The following FHIT variants were observed in gnomAD, a reference collection of about 807,000 sequenced individuals.
FHIT encodes the protein fragile histidine triad diadenosine triphosphatase.
A neutral mutation model predicts 17.9 loss-of-function variants in FHIT; 19 were observed. That is an observed-to-expected ratio of 1.06 (90% CI 0.74 to 1.56). The LOEUF (loss-of-function observed/expected upper bound fraction) is 1.56, where lower values mean the gene tolerates loss of function less well. FHIT is among the 40% of genes most tolerant of loss of function. The probability of loss-of-function intolerance (pLI) is 0.00; values close to 1 mark genes in which losing one functional copy is unlikely to be tolerated. For synonymous variants in FHIT, 81 were observed against 69.7 expected (o/e 1.16, Z -0.81); for missense variants, 248 against 189.2 (o/e 1.31, Z -1.82).
chr3:60,885,848 G>A (rs1412422150), intron 3 of FHIT, among the ~76,000 whole-genome samples: 1 of 151,932 alleles, frequency 6.6e-6, no homozygotes, highest in Non-Finnish European at 1.5e-5. Flanking sequence ...TCCTCTAATT[G>A]TCCTTTACAC....
intron 7 of FHIT, among the ~76,000 whole-genome samples, chr3:59,954,771 G>A (rs669497): frequency 6.6e-6 from 1 of 152,150 alleles, no homozygotes; most frequent in African/African-American, 2.4e-5. Flanking sequence ...GAAGGTTTCA[G>A]AATGCTAGGA....
chr3:61,167,100 CG>C lies in FHIT; in HGVS notation c.-164+33516del, dbSNP rs1358987560. On this transcript the variant is annotated intron_variant, in intron 2 of 9. Transcript: ENST00000492590. Reference sequence around the variant, plus strand: ...ACACAGAAAATCTAATGTGAAAATCCGGTAAGTGGAAATATGAGTTGACAGA... The same window carrying C: ...ACACAGAAAATCTAATGTGAAAATCCGTAAGTGGAAATATGAGTTGACAGA... The C allele has an allele frequency of 3.9e-5, 6 of 152,138 alleles. No homozygotes were observed. In the East Asian group the frequency reaches 1.2e-3, roughly 29 times the overall value. 9.4% of individuals were successfully genotyped at this position (152,138 alleles called of 1,614,324 possible).
At chr3:60,383,235 T>C (rs1336661452) in intron 5 of FHIT, among the ~76,000 whole-genome samples, 3 of 152,200 alleles carry the variant, frequency 2.0e-5, no homozygotes, top group Admixed American at 1.3e-4. Context: ...GCTGGTTTAT[T>C]TCATCTGTGA....
intron 3 of FHIT, among the ~76,000 whole-genome samples, chr3:60,838,341 G>A (rs1304129710): frequency 6.6e-6 from 1 of 152,076 alleles, no homozygotes; most frequent in Non-Finnish European, 1.5e-5. Context: ...GCGTGGTGGT[G>A]GGCGCCTGTA....
intron 7 of FHIT, among the ~76,000 whole-genome samples, chr3:59,968,040 G>A (rs1708009598): frequency 6.6e-6 from 1 of 152,020 alleles, no homozygotes; most frequent in South Asian, 2.1e-4. Flanking sequence ...GAGTAATATA[G>A]TAATATTCAA....
chr3:60,860,438 C>CATGTATATATGATACATATGTACATATAT (rs542524289), intron 3 of FHIT, among the ~76,000 whole-genome samples: 2 of 122,800 alleles, frequency 1.6e-5, no homozygotes, highest in African/African-American at 6.1e-5. Context: ...ACATATATAT[C>CATGTATATATGATACATATGTACATATAT]ATGTATATAT....
At chr3:60,251,751 A>G (rs979890032) in intron 5 of FHIT, among the ~76,000 whole-genome samples, 1 of 152,152 alleles carries the variant, frequency 6.6e-6, no homozygotes, top group Non-Finnish European at 1.5e-5. Flanking sequence ...TCTTCTACAC[A>G]GCATACCTTT....
chr3:60,074,809 C>A (rs1285766569), intron 5 of FHIT, among the ~76,000 whole-genome samples: 1 of 152,174 alleles, frequency 6.6e-6, no homozygotes, highest in South Asian at 2.1e-4. Context: ...CCTGGCTTTT[C>A]TCACTTTCCC....
At chr3:60,232,236 G>C (rs1704534896) in intron 5 of FHIT, among the ~76,000 whole-genome samples, 1 of 152,162 alleles carries the variant, frequency 6.6e-6, no homozygotes, top group Non-Finnish European at 1.5e-5. Flanking sequence ...TCTACACATG[G>C]TAGGGTGATG....
chr3:60,437,017 G>A (rs538572838), intron 5 of FHIT, among the ~76,000 whole-genome samples: 11 of 152,158 alleles, frequency 7.2e-5, no homozygotes, highest in South Asian at 6.2e-4. Flanking sequence ...CAAGCACCTC[G>A]TATTTTGTAC....
At chr3:60,534,439 CAAAA>C (rs563992117) in intron 5 of FHIT, among the ~76,000 whole-genome samples, 49 of 32,398 alleles carry the variant, frequency 1.5e-3, no homozygotes, top group African/African-American at 4.3e-3. Flanking sequence ...GACTCCGTCT[CAAAA>C]AAAAAAAAAA....
intron 1 of FHIT, among the ~76,000 whole-genome samples, chr3:61,226,705 G>A (rs1328515495): frequency 6.6e-6 from 1 of 152,194 alleles, no homozygotes; most frequent in East Asian, 1.9e-4. Flanking sequence ...AAGAGAGAGA[G>A]AAAGAGAAAA....
intron 3 of FHIT, among the ~76,000 whole-genome samples, chr3:60,844,218 G>A (rs1426380341): frequency 2.0e-5 from 3 of 152,100 alleles, no homozygotes; most frequent in Non-Finnish European, 4.4e-5. Context: ...CAGGAGAAAA[G>A]TTTATTGATT....
intron 5 of FHIT, among the ~76,000 whole-genome samples, chr3:60,489,725 T>G (rs1479050624): frequency 6.6e-6 from 1 of 152,234 alleles, no homozygotes; most frequent in South Asian, 2.1e-4. Context: ...TGGTAATTTT[T>G]GGGGATCTCT....
chr3:60,129,042 C>CTTTTTTTTTTTTTTTTTTT (rs1360333142), intron 5 of FHIT, among the ~76,000 whole-genome samples: 4 of 113,012 alleles, frequency 3.5e-5, no homozygotes, highest in African/African-American at 1.4e-4. Flanking sequence ...TTCTTCTTTC[C>CTTTTTTTTTTTTTTTTTTT]TTTTTTGTTT....
At chr3:61,207,280 CTT>C (rs1280907544) in intron 1 of FHIT, among the ~76,000 whole-genome samples, 1 of 152,050 alleles carries the variant, frequency 6.6e-6, no homozygotes, top group Non-Finnish European at 1.5e-5. Context: ...CTAAAATTCT[CTT>C]TTTTTGTTGT....
rs9833598 is a variant in FHIT, at chr3:60,948,396, G to C, written c.-111+93651C>G. Among the ~76,000 whole-genome samples, 466 of 152,294 alleles carry C rather than the reference G, an allele frequency of 3.1e-3. 5 individuals carry two copies. The highest frequency in any genetic ancestry group is 0.024 in the Middle Eastern group (7 of 294). ...ATGAATTTCATAATTTCTAGTATGT[G>C]ACCCAGGGTTGAACTAAGAAGTTAT... On this transcript the variant is annotated intron_variant, in intron 3 of 9. Transcript: ENST00000492590.
chr3:59,749,160 TA>T lies in FHIT; in HGVS notation c.*424del, dbSNP rs1445102489. On this transcript the variant is annotated 3_prime_UTR_variant, in exon 10 of 10. Transcript: ENST00000492590. ...GGGGTTTCATGAACCACTTAATGTA[TA>T]AAAATTCAATATGTAGACATTTTTT... 1 of 228,600 alleles carries T rather than the reference TA, an allele frequency of 4.4e-6. No homozygotes were observed. The highest frequency in any genetic ancestry group is 8.7e-6 in the Non-Finnish European group (1 of 115,252). 14.2% of individuals were successfully genotyped at this position (228,600 alleles called of 1,614,324 possible).
At chr3:61,122,178 C>T (rs1387375505) in intron 2 of FHIT, among the ~76,000 whole-genome samples, 1 of 152,132 alleles carries the variant, frequency 6.6e-6, no homozygotes, top group Non-Finnish European at 1.5e-5. Context: ...TGGAACAGAA[C>T]AGAGCCCTCA....
Sources: gnomAD v4.1 joint callset for allele counts (sites outside exome capture counted in the v4.1 genomes callset) on GRCh38, gnomAD v4.1.1 for gene constraint, MANE v1.5 for transcripts, NCBI Gene and HGNC (gene_info 2026-07-23, HGNC 2026-07-21) for gene names.